The following NDUFS1 variants were observed in gnomAD, a reference collection of about 807,000 sequenced individuals.
NDUFS1 encodes the protein NADH-ubiquinone oxidoreductase 75 kDa subunit, mitochondrial.
NDUFS1 carries 61 observed loss-of-function variants against 84.4 expected under a neutral mutation model. The ratio of observed to expected loss-of-function variants is 0.72; its 90% CI spans 0.59 to 0.89. The LOEUF (loss-of-function observed/expected upper bound fraction) is 0.89, where lower values mean the gene tolerates loss of function less well. NDUFS1 is among the 40% of genes least tolerant of loss of function. The pLI is 0.00. For synonymous variants in NDUFS1, 275 were observed against 290.0 expected (o/e 0.95, Z 0.53); for missense variants, 891 against 890.0 (o/e 1.00, Z -0.01).
At chr2:206,145,102 AT>A (rs1025644622) in intron 8 of NDUFS1, 76 bp from the exon 9 acceptor site, 19 of 1,449,500 alleles carry the variant, frequency 1.3e-5, no homozygotes, top group East Asian at 7.0e-5. Flanking sequence ...TTACCAAAAA[AT>A]TTTTTTTACA....
intron 5 of NDUFS1, among the ~76,000 whole-genome samples, chr2:206,148,050 G>C (rs1001384962): frequency 1.3e-5 from 2 of 151,750 alleles, no homozygotes; most frequent in African/African-American, 4.8e-5. Flanking sequence ...TCAGCCTCCC[G>C]AGTATCTAGG....
intron 12 of NDUFS1, among the ~76,000 whole-genome samples, chr2:206,141,616 G>C (rs140719175): frequency 6.9e-6 from 1 of 145,620 alleles, no homozygotes; most frequent in Admixed American, 6.9e-5. Context: ...AAAAAGGCTC[G>C]GTGCAGTGGC....
At chr2:206,151,886 GAC>G (rs1429410611) in intron 3 of NDUFS1, among the ~76,000 whole-genome samples, 1 of 151,560 alleles carries the variant, frequency 6.6e-6, no homozygotes, top group Non-Finnish European at 1.5e-5. Flanking sequence ...TTTTTTTTGA[GAC>G]AGAGTCTTGC....
At position 206,129,946 on chromosome 2, in the gene NDUFS1, G is replaced by GT. The variant is rs1691440086; in HGVS notation, c.1708+141dup. 4.5e-6 allele frequency: 4 copies of GT among 883,638 alleles called. No individual in the cohort carries two copies. In the Admixed American group the frequency reaches 8.2e-5, roughly 18 times the overall value. 54.7% of individuals were successfully genotyped at this position (883,638 alleles called of 1,614,324 possible). ...ATGTAACTAATAACACTTGTGGTTT[G>GT]TTTAAAAAAAAAGGAGGAGGAGTGG... is the stretch of plus-strand genomic sequence containing the variant. On this transcript the variant is annotated intron_variant, in intron 15 of 18. Transcript: ENST00000233190.
At chr2:206,137,212 A>T (rs1175387518) in intron 13 of NDUFS1, among the ~76,000 whole-genome samples, 2 of 152,210 alleles carry the variant, frequency 1.3e-5, no homozygotes, top group East Asian at 3.9e-4. Flanking sequence ...TTCAAGAATG[A>T]TAATCAGAAT....
intron 14 of NDUFS1, among the ~76,000 whole-genome samples, chr2:206,131,516 C>T (rs946789346): frequency 6.6e-6 from 1 of 152,104 alleles, no homozygotes; most frequent in East Asian, 1.9e-4. Flanking sequence ...AAATATTACA[C>T]AGCTGTGAGG....
intron 14 of NDUFS1, among the ~76,000 whole-genome samples, chr2:206,131,308 CAT>C (rs1432407445): frequency 2.0e-5 from 3 of 152,016 alleles, no homozygotes; most frequent in Non-Finnish European, 2.9e-5. Context: ...CATCAACATA[CAT>C]GTTAAAAAGA....
chr2:206,152,564 A>T, intron 2 of NDUFS1, 54 bp from the exon 3 acceptor site: 1 of 1,432,594 alleles, frequency 7.0e-7, no homozygotes. Flanking sequence ...ATTATAGCAG[A>T]TGATAATGGA....
intron 1 of NDUFS1, among the ~76,000 whole-genome samples, chr2:206,154,317 A>G (rs140732288): frequency 6.6e-6 from 1 of 152,358 alleles, no homozygotes; most frequent in East Asian, 1.9e-4. Flanking sequence ...CTCTTAAACA[A>G]TGGCTCTCAA....
At chr2:206,125,402 C>A (rs1469214496) in intron 18 of NDUFS1, among the ~76,000 whole-genome samples, 1 of 151,952 alleles carries the variant, frequency 6.6e-6, no homozygotes, top group Non-Finnish European at 1.5e-5. Context: ...GCAGAGGTTG[C>A]AGCAAGCCAA....
intron 10 of NDUFS1, 100 bp from the exon 11 acceptor site, chr2:206,142,931 A>G: frequency 6.7e-7 from 1 of 1,497,140 alleles, no homozygotes; most frequent in Admixed American, 2.0e-5. Flanking sequence ...TCAAGTACAA[A>G]AAAAGTTAAC....
At chr2:206,137,837 G>T (rs1366955826) in intron 13 of NDUFS1, among the ~76,000 whole-genome samples, 4 of 152,172 alleles carry the variant, frequency 2.6e-5, no homozygotes, top group Non-Finnish European at 4.4e-5. Flanking sequence ...AATAAAGAAA[G>T]ATTTAAATGA....
chr2:206,152,282 T>C (rs956806388), intron 3 of NDUFS1, 137 bp downstream of exon 3: 3 of 713,346 alleles, frequency 4.2e-6, no homozygotes, highest in Non-Finnish European at 7.2e-6. Context: ...AGATTTAAAA[T>C]GAAATAATTT....
In NDUFS1 at chr2:206,122,430, ACCAGC is replaced by A. The variant is rs1691123168; in HGVS notation, c.*1750_*1754del. Reference sequence around the variant, plus strand: ...GATCACCTGAGGTTAGGAGTTCAAGACCAGCCTGGCCAAATTGGTGAAACCCTGTC... The same window carrying A: ...GATCACCTGAGGTTAGGAGTTCAAGACTGGCCAAATTGGTGAAACCCTGTC... On this transcript the variant is annotated 3_prime_UTR_variant, in exon 19 of 19. Coordinates refer to ENST00000233190, the MANE Select transcript of NDUFS1 (RefSeq NM_005006.7). 1 of 151,862 alleles carries A rather than the reference ACCAGC, an allele frequency of 6.6e-6. No homozygotes were observed. The highest frequency in any genetic ancestry group is 2.4e-5 in the African/African-American group (1 of 41,444). 9.4% of individuals were successfully genotyped at this position (151,862 alleles called of 1,614,324 possible).
chr2:206,157,738 T>C (rs1182657363), intron 1 of NDUFS1, among the ~76,000 whole-genome samples: 1 of 152,244 alleles, frequency 6.6e-6, no homozygotes, highest in Non-Finnish European at 1.5e-5. Flanking sequence ...AACACTTCGA[T>C]ATGTGCTTTG....
chr2:206,141,269 G>C lies in NDUFS1; in HGVS notation c.1262+672C>G, dbSNP rs561425856. The stretch of plus-strand genomic sequence containing the variant: ...ATCTCTAAAAAATTAAAAAGGCCGG[G>C]CGCGGTGGCTCACACCTGTAATCCC... On this transcript the variant is annotated intron_variant, in intron 12 of 18. Coordinates refer to ENST00000233190, the MANE Select transcript of NDUFS1 (RefSeq NM_005006.7). Among the ~76,000 whole-genome samples the C allele has an allele frequency of 2.0e-5, 3 of 152,204 alleles. No individual in the cohort carries two copies. The East Asian group carries it at 5.8e-4, about 30-fold the overall frequency.
chr2:206,156,220 G>A (rs368246263), intron 1 of NDUFS1, among the ~76,000 whole-genome samples: 135 of 141,866 alleles, frequency 9.5e-4, no homozygotes, highest in South Asian at 6.9e-3. Context: ...CCAAGATCAC[G>A]CCACTGCACT....
intron 18 of NDUFS1, among the ~76,000 whole-genome samples, chr2:206,124,843 A>T (rs930373965): frequency 1.2e-4 from 18 of 152,098 alleles, no homozygotes; most frequent in Non-Finnish European, 2.2e-4. Context: ...TTGTCTCAAA[A>T]AAATAAATAA....
In NDUFS1 at chr2:206,147,529, A is replaced by G; in HGVS notation, c.551+2T>C. On this transcript the variant is annotated splice_donor_variant, in intron 7 of 18. Transcript: ENST00000233190. LOFTEE classifies it high-confidence loss of function. ...AATAGAAAAAAAAGGAAAAAAAGTT[A>G]CCTGATGCAGCGAGTACACTGTATA... The G allele has an allele frequency of 3.7e-6, 6 of 1,612,910 alleles. No individual in the cohort carries two copies. The highest frequency in any genetic ancestry group is 4.2e-6 in the Non-Finnish European group (5 of 1,179,660).
Sources: gnomAD v4.1 joint callset for allele counts (sites outside exome capture counted in the v4.1 genomes callset) on GRCh38, gnomAD v4.1.1 for gene constraint, MANE v1.5 for transcripts, NCBI Gene and HGNC (gene_info 2026-07-23, HGNC 2026-07-21) for gene names.